IFNAR1: variants seen among roughly 807,000 people sequenced by gnomAD.
IFNAR1 encodes the protein interferon alpha and beta receptor subunit 1, also known as interferon alpha/beta receptor 1.
Under a neutral mutation model 62.1 loss-of-function variants are expected in IFNAR1, and 47 were observed. The ratio of observed to expected loss-of-function variants is 0.76; its 90% CI spans 0.60 to 0.97. IFNAR1 has a LOEUF of 0.97. Among genes scored for constraint, IFNAR1 ranks in the 50% least tolerant of loss-of-function variants. IFNAR1 has a pLI of 0.00. For synonymous variants in IFNAR1, 219 were observed against 226.9 expected (o/e 0.97, Z 0.31); for missense variants, 638 against 654.5 (o/e 0.97, Z 0.27).
chr21:33,327,712 G>C (rs551091002), intron 1 of IFNAR1, among the ~76,000 whole-genome samples: 1 of 152,286 alleles, frequency 6.6e-6, no homozygotes, highest in South Asian at 2.1e-4. Flanking sequence ...TTTTGCCAAG[G>C]TTAAGGATGC....
At chr21:33,332,282 GACATTGA>G (rs1376387156) in intron 1 of IFNAR1, among the ~76,000 whole-genome samples, 76 of 152,232 alleles carry the variant, frequency 5.0e-4, no homozygotes, top group Non-Finnish European at 4.4e-5. Context: ...ATTTACTACT[GACATTGA>G]ACACAGGTAA....
intron 1 of IFNAR1, among the ~76,000 whole-genome samples, chr21:33,326,327 C>T (rs1454158327): frequency 1.3e-5 from 2 of 151,464 alleles, no homozygotes; most frequent in Admixed American, 6.6e-5. Context: ...GCCTCAGCCT[C>T]TTGAGTAGCT....
chr21:33,324,756 G>T (rs1164811167), upstream of IFNAR1: 2 of 481,042 alleles, frequency 4.2e-6, no homozygotes, highest in African/African-American at 3.9e-5. Flanking sequence ...AGAAGAGAAT[G>T]CAGGAGGCCT....
intron 1 of IFNAR1, among the ~76,000 whole-genome samples, chr21:33,330,134 G>C (rs985192379): frequency 6.6e-6 from 1 of 152,182 alleles, no homozygotes. Flanking sequence ...CGTTATTAGA[G>C]CAATCTGCAC....
Position 33,341,130 on chromosome 21 carries a change from C to G in IFNAR1, c.332C>G (p.Thr111Ser). 6.2e-7 allele frequency: 1 copy of G among 1,613,396 alleles called. No homozygotes were observed. Among genetic ancestry groups the G allele is most frequent in the East Asian group, 2.2e-5 (1 of 44,780 alleles). The change falls in exon 3 of 11, where the codon ACT (threonine) becomes AGT (serine). Residue 111 changes from threonine (T) to serine (S), a missense_variant. Physicochemically the swap from Thr to Ser is moderately conservative, Grantham distance 58. Coordinates refer to ENST00000270139, the MANE Select transcript of IFNAR1 (RefSeq NM_000629.3). The part of the protein sequence containing the change: ...KLRIRAEKEN[T>S]SSWYEVDSFT... ...CGTATAAGAGCAGAAAAAGAAAACA[C>G]TTCTTCATGGTATGAGGTTGACTCA...
chr21:33,342,773 C>A (rs979865050), intron 3 of IFNAR1, among the ~76,000 whole-genome samples: 5 of 151,368 alleles, frequency 3.3e-5, no homozygotes, highest in African/African-American at 1.2e-4. Context: ...AGGAGAATGA[C>A]ATGAACCCGG....
At chr21:33,340,414 T>C (rs1004852659) in intron 2 of IFNAR1, among the ~76,000 whole-genome samples, 2 of 152,134 alleles carry the variant, frequency 1.3e-5, no homozygotes, top group African/African-American at 2.4e-5. Context: ...TGCAGTGATA[T>C]GATCATAGCC....
At position 33,355,350 on chromosome 21, in the gene IFNAR1, T is replaced by C. The variant is rs759817371; in HGVS notation, c.1475T>C (p.Leu492Pro). The C allele has an allele frequency of 6.3e-7, 1 of 1,594,552 alleles. No individual in the cohort carries two copies. The highest frequency in any genetic ancestry group is 1.1e-5 in the South Asian group (1 of 87,468). Residue 492 changes from leucine (L) to proline (P), a missense_variant, in exon 11 of 11, where the codon CTT (leucine) becomes CCT (proline). Physicochemically the swap from Leu to Pro is moderately conservative, Grantham distance 98. Transcript: ENST00000270139. ...GAACAGCCATTGAAGAATCTTCTGC[T>C]TTCAACTTCTGAGGAACAAATCGAA... ...FSEQPLKNLL[L>P]STSEEQIEKC... is the part of the protein sequence containing the mutation.
intron 1 of IFNAR1, among the ~76,000 whole-genome samples, chr21:33,331,050 T>C (rs1158389756): frequency 1.3e-5 from 2 of 152,192 alleles, no homozygotes; most frequent in African/African-American, 4.8e-5. Context: ...CTTCGGGGAC[T>C]TGTAGCCATG....
intron 10 of IFNAR1, among the ~76,000 whole-genome samples, 182 bp from the exon 11 acceptor site, chr21:33,355,134 A>T (rs1282756034): frequency 6.6e-6 from 1 of 152,172 alleles, no homozygotes; most frequent in Non-Finnish European, 1.5e-5. Flanking sequence ...GAGTGACCTC[A>T]CTAATGATGC....
intron 2 of IFNAR1, among the ~76,000 whole-genome samples, chr21:33,336,204 G>A (rs1268247355): frequency 2.0e-4 from 28 of 137,682 alleles, no homozygotes; most frequent in African/African-American, 7.7e-4. Flanking sequence ...ATAGTTTACT[G>A]AGAATGATGA....
chr21:33,329,572 A>C (rs1187901019), intron 1 of IFNAR1, among the ~76,000 whole-genome samples: 2 of 152,228 alleles, frequency 1.3e-5, no homozygotes, highest in Admixed American at 1.3e-4. Context: ...AAAGTTCTAT[A>C]CAAGAACCCC....
intron 1 of IFNAR1, among the ~76,000 whole-genome samples, chr21:33,326,605 A>T (rs1281919015): frequency 6.6e-6 from 1 of 152,214 alleles, no homozygotes; most frequent in Non-Finnish European, 1.5e-5. Flanking sequence ...GAATTGACTT[A>T]TGAATGATCT....
At chr21:33,351,690 A>G (rs918973770) in intron 8 of IFNAR1, among the ~76,000 whole-genome samples, 2 of 151,810 alleles carry the variant, frequency 1.3e-5, no homozygotes, top group African/African-American at 2.4e-5. Context: ...CTGGGACTAC[A>G]GGCACATGCC....
intron 8 of IFNAR1, among the ~76,000 whole-genome samples, chr21:33,351,468 A>G (rs1205761778): frequency 6.6e-6 from 1 of 152,116 alleles, no homozygotes; most frequent in Non-Finnish European, 1.5e-5. Flanking sequence ...TAGACTTGTG[A>G]GTGAGAAACT....
chr21:33,351,080 C>G (rs2083392732), intron 8 of IFNAR1, among the ~76,000 whole-genome samples: 1 of 152,150 alleles, frequency 6.6e-6, no homozygotes, highest in South Asian at 2.1e-4. Context: ...GATAATATAT[C>G]AATAATTGTT....
intron 3 of IFNAR1, among the ~76,000 whole-genome samples, chr21:33,341,724 C>G (rs896306237): frequency 6.6e-6 from 1 of 151,946 alleles, no homozygotes; most frequent in Non-Finnish European, 1.5e-5. Flanking sequence ...TCTTGTTGCC[C>G]AGGCTGGAGT....
intron 1 of IFNAR1, among the ~76,000 whole-genome samples, chr21:33,334,007 C>G (rs1406751702): frequency 6.6e-6 from 1 of 151,954 alleles, no homozygotes; most frequent in Non-Finnish European, 1.5e-5. Context: ...CAAATGGAAA[C>G]CAAAAGCTGT....
intron 3 of IFNAR1, among the ~76,000 whole-genome samples, 178 bp downstream of exon 3, chr21:33,341,352 A>G (rs1429018608): frequency 2.0e-5 from 3 of 152,222 alleles, no homozygotes; most frequent in African/African-American, 7.2e-5. Context: ...TCCCTGTAGT[A>G]GTGGTTCTCA....
Sources: allele counts gnomAD v4.1 joint callset (sites outside exome capture counted in the v4.1 genomes callset), GRCh38; gene constraint gnomAD v4.1.1; transcripts MANE v1.5; gene names NCBI Gene and HGNC (gene_info 2026-07-23, HGNC 2026-07-21).